The following HACD2 variants were observed in gnomAD, a reference collection of about 807,000 sequenced individuals.
HACD2 encodes very-long-chain (3R)-3-hydroxyacyl-CoA dehydratase 2.
HACD2 carries 15 observed loss-of-function variants against 31.0 expected under a neutral mutation model. The ratio of observed to expected loss-of-function variants is 0.48; its 90% confidence interval spans 0.32 to 0.75. The LOEUF is 0.75. Ranked by LOEUF, HACD2 falls within the 30% of genes least tolerant of loss-of-function variation. The pLI, the probability that HACD2 is intolerant of heterozygous loss-of-function variation, is 0.03. For synonymous variants in HACD2, 115 were observed against 122.2 expected (o/e 0.94, Z 0.39); for missense variants, 283 against 313.0 (o/e 0.90, Z 0.72).
At chr3:123,553,377 T>G (rs1044439813) in intron 3 of HACD2, among the ~76,000 whole-genome samples, 48 of 152,368 alleles carry the variant, frequency 3.2e-4, no homozygotes, top group Admixed American at 2.5e-3. Flanking sequence ...GGATTTTGTA[T>G]CTAGCAAATC....
At chr3:123,496,311 C>T (rs2055832472) in intron 6 of HACD2, among the ~76,000 whole-genome samples, 1 of 152,222 alleles carries the variant, frequency 6.6e-6, no homozygotes, top group South Asian at 2.1e-4. Flanking sequence ...GCATGAGCTA[C>T]CAAGCCCAGC....
chr3:123,499,640 C>A (rs1418806611), intron 6 of HACD2: 2 of 456,316 alleles, frequency 4.4e-6, no homozygotes, highest in East Asian at 6.9e-5. Context: ...TCTGATTTAA[C>A]CTGGGGTTTA....
At chr3:123,537,734 G>A (rs1202260886) in intron 3 of HACD2, among the ~76,000 whole-genome samples, 2 of 151,980 alleles carry the variant, frequency 1.3e-5, no homozygotes, top group East Asian at 3.9e-4. Context: ...ATATACATGT[G>A]AAGAGAATGC....
chr3:123,581,059 A>T (rs977937043), intron 2 of HACD2, among the ~76,000 whole-genome samples: 4 of 152,022 alleles, frequency 2.6e-5, no homozygotes, highest in African/African-American at 9.7e-5. Context: ...TGACCTCGTG[A>T]TCCACCCGCC....
intron 2 of HACD2, among the ~76,000 whole-genome samples, chr3:123,569,742 C>T (rs1352356439): frequency 6.6e-6 from 1 of 151,812 alleles, no homozygotes; most frequent in African/African-American, 2.4e-5. Context: ...AATCCCAGCA[C>T]TTTGGGAGGC....
Position 123,582,286 on chromosome 3 carries a change from T to C in HACD2, c.199A>G (p.Lys67Glu). Residue 67 changes from lysine to glutamate, a missense_variant, in exon 2 of 7, where the codon AAG becomes GAG. Physicochemically the swap from Lys to Glu is moderately conservative, Grantham distance 56. This residue lies in a region of HACD2 where 158 missense variants were observed against 148.3 expected (regional missense o/e 1.07). Transcript: ENST00000383657. ...AVGLVRAYLA[K>E]GSYHSLYYSI... Reference sequence around the variant, plus strand: ...TAATAAAGGCTATGGTAGCTACCCTTAGCCAGGTATGCTCGGACCAGACCA... The same window carrying C: ...TAATAAAGGCTATGGTAGCTACCCTCAGCCAGGTATGCTCGGACCAGACCA... The C allele has an allele frequency of 6.2e-7, 1 of 1,609,526 alleles. No homozygotes were observed. Among genetic ancestry groups the C allele is most frequent in the Non-Finnish European group, 8.5e-7 (1 of 1,177,784 alleles).
intron 4 of HACD2, among the ~76,000 whole-genome samples, chr3:123,512,950 G>GT (rs2056082745): frequency 6.6e-6 from 1 of 152,154 alleles, no homozygotes; most frequent in Non-Finnish European, 1.5e-5. Flanking sequence ...TGGATCCTAA[G>GT]TTACCATCCT....
intron 3 of HACD2, among the ~76,000 whole-genome samples, chr3:123,546,169 C>G (rs1168054313): frequency 6.6e-6 from 1 of 152,150 alleles, no homozygotes; most frequent in Non-Finnish European, 1.5e-5. Flanking sequence ...TAGGGGTAAA[C>G]TACTCTGTGT....
At chr3:123,547,408 TC>T (rs2056572657) in intron 3 of HACD2, among the ~76,000 whole-genome samples, 1 of 152,210 alleles carries the variant, frequency 6.6e-6, no homozygotes, top group Non-Finnish European at 1.5e-5. Flanking sequence ...TGCTTTGAAT[TC>T]CAGGGACGTT....
intron 3 of HACD2, among the ~76,000 whole-genome samples, chr3:123,541,197 A>C (rs2056486671): frequency 6.6e-6 from 1 of 152,188 alleles, no homozygotes; most frequent in African/African-American, 2.4e-5. Flanking sequence ...CTTGAGCCTG[A>C]GAGGCGGAGG....
intron 3 of HACD2, among the ~76,000 whole-genome samples, chr3:123,533,481 C>T (rs1023876872): frequency 6.6e-6 from 1 of 152,288 alleles, no homozygotes; most frequent in Middle Eastern, 3.4e-3. Context: ...GCAGTCAATC[C>T]CACTGTTTTT....
chr3:123,530,977 C>G (rs930423041), intron 3 of HACD2, among the ~76,000 whole-genome samples: 5 of 151,468 alleles, frequency 3.3e-5, no homozygotes, highest in Non-Finnish European at 7.4e-5. Flanking sequence ...AAGTGATTCT[C>G]CTACCTTAGC....
chr3:123,497,198 A>G (rs1281843780), intron 6 of HACD2, among the ~76,000 whole-genome samples: 1 of 152,220 alleles, frequency 6.6e-6, no homozygotes, highest in Non-Finnish European at 1.5e-5. Context: ...TTTCAGATGC[A>G]CGGCTGCCAC....
At chr3:123,507,187 T>C (rs1328217354) in intron 4 of HACD2, among the ~76,000 whole-genome samples, 1 of 152,098 alleles carries the variant, frequency 6.6e-6, no homozygotes, top group Non-Finnish European at 1.5e-5. Context: ...CCCAGGAATT[T>C]GACGTTAAAG....
chr3:123,505,986 G>A (rs958394911), intron 4 of HACD2, among the ~76,000 whole-genome samples: 1 of 152,240 alleles, frequency 6.6e-6, no homozygotes, highest in Non-Finnish European at 1.5e-5. Flanking sequence ...ACCAAGGACA[G>A]GGGGCTGAGC....
chr3:123,492,112 C>T lies in HACD2; in HGVS notation c.*2776G>A, dbSNP rs2055770983. ...TTCCATGACTAACTCTCCATGGTGC[C>T]TCTGGATAATGGTTGGTATGTGTTA... On this transcript the variant is annotated 3_prime_UTR_variant, in exon 7 of 7. Transcript: ENST00000383657. 1 of 152,202 alleles carries T rather than the reference C, an allele frequency of 6.6e-6. No individual in the cohort carries two copies. Among genetic ancestry groups the T allele is most frequent in the Non-Finnish European group, 1.5e-5 (1 of 68,050 alleles). The allele number at this position is 152,202 out of a possible 1,614,324, so 9.4% of individuals were successfully genotyped here.
chr3:123,574,404 T>C (rs2056886650), intron 2 of HACD2, among the ~76,000 whole-genome samples: 1 of 152,194 alleles, frequency 6.6e-6, no homozygotes, highest in South Asian at 2.1e-4. Context: ...GTAACCATCA[T>C]TTCATCTTTT....
At chr3:123,543,135 G>A (rs2056514293) in intron 3 of HACD2, among the ~76,000 whole-genome samples, 1 of 152,090 alleles carries the variant, frequency 6.6e-6, no homozygotes, top group African/African-American at 2.4e-5. Context: ...TTAAATTACA[G>A]ACCAATGTAA....
intron 3 of HACD2, among the ~76,000 whole-genome samples, chr3:123,554,324 G>A (rs1246922746): frequency 6.6e-6 from 1 of 151,792 alleles, no homozygotes; most frequent in Admixed American, 6.6e-5. Flanking sequence ...AGGACTAAGG[G>A]CATTTAAAAA....
Sources: gnomAD v4.1 joint callset for allele counts (sites outside exome capture counted in the v4.1 genomes callset) on GRCh38, gnomAD v4.1.1 for gene constraint, gnomAD v4.1.1 regional missense constraint, MANE v1.5 for transcripts, NCBI Gene and HGNC (gene_info 2026-07-23, HGNC 2026-07-21) for gene names.